The following PRKN variants were observed in gnomAD, a reference collection of about 807,000 sequenced individuals.
PRKN encodes the protein E3 ubiquitin-protein ligase parkin.
PRKN carries 56 observed loss-of-function variants against 59.5 expected under a neutral mutation model. The ratio of observed to expected loss-of-function variants is 0.94; its 90% CI spans 0.76 to 1.18. PRKN has a LOEUF of 1.18. Among genes scored for constraint, PRKN ranks in the 50% most tolerant of loss-of-function variants. The pLI, the probability that PRKN is intolerant of heterozygous loss-of-function variation, is 0.00. For synonymous variants in PRKN, 250 were observed against 222.1 expected (o/e 1.13, Z -1.12); for missense variants, 657 against 596.4 (o/e 1.10, Z -1.06).
intron 5 of PRKN, among the ~76,000 whole-genome samples, chr6:161,987,429 G>T (rs1664399097): frequency 6.6e-6 from 1 of 152,146 alleles, no homozygotes. Flanking sequence ...AGGAGGGACT[G>T]GTTCCAGAAA....
chr6:162,611,552 A>G (rs1782152399), intron 1 of PRKN, among the ~76,000 whole-genome samples: 1 of 152,142 alleles, frequency 6.6e-6, no homozygotes, highest in Non-Finnish European at 1.5e-5. Flanking sequence ...CCTACCCTAC[A>G]CTATCACATC....
At chr6:162,565,087 A>C (rs1392356407) in intron 1 of PRKN, among the ~76,000 whole-genome samples, 1 of 93,130 alleles carries the variant, frequency 1.1e-5, no homozygotes, top group African/African-American at 6.2e-5. Context: ...TAAGATATAA[A>C]TAGACACAAT....
chr6:162,466,261 T>A (rs966031122), intron 1 of PRKN, among the ~76,000 whole-genome samples: 2 of 152,184 alleles, frequency 1.3e-5, no homozygotes, highest in Admixed American at 6.5e-5. Context: ...ACAACCTGTG[T>A]TATGGAGTGA....
intron 1 of PRKN, among the ~76,000 whole-genome samples, chr6:162,618,700 T>C (rs992107450): frequency 6.6e-6 from 1 of 152,208 alleles, no homozygotes; most frequent in African/African-American, 2.4e-5. Flanking sequence ...CTGTCAGAAA[T>C]TCCTATTTAT....
chr6:161,870,118 T>C (rs776363076), intron 6 of PRKN, among the ~76,000 whole-genome samples: 39 of 152,166 alleles, frequency 2.6e-4, no homozygotes, highest in Non-Finnish European at 5.1e-4. Flanking sequence ...GGGCCGACCT[T>C]GCTTAGCTTC....
At chr6:162,367,879 A>G (rs1785538565) in intron 2 of PRKN, among the ~76,000 whole-genome samples, 2 of 152,146 alleles carry the variant, frequency 1.3e-5, no homozygotes, top group African/African-American at 4.8e-5. Context: ...CTTTATCAGA[A>G]CTTCTGAGTG....
At chr6:162,343,715 G>GT (rs1394276013) in intron 2 of PRKN, among the ~76,000 whole-genome samples, 2 of 152,134 alleles carry the variant, frequency 1.3e-5, no homozygotes, top group African/African-American at 2.4e-5. Context: ...ATGTGTATGT[G>GT]TGCAAGCATG....
chr6:162,612,848 A>C (rs1168964643), intron 1 of PRKN, among the ~76,000 whole-genome samples: 4 of 152,080 alleles, frequency 2.6e-5, no homozygotes, highest in African/African-American at 9.7e-5. Flanking sequence ...TGGCCCACAG[A>C]GGGCACCTTG....
At chr6:162,560,522 G>A (rs1404266704) in intron 1 of PRKN, among the ~76,000 whole-genome samples, 2 of 152,052 alleles carry the variant, frequency 1.3e-5, no homozygotes, top group African/African-American at 2.4e-5. Context: ...TGTAAACATG[G>A]AAAAATCAAG....
At chr6:162,607,732 T>G (rs1219987237) in intron 1 of PRKN, among the ~76,000 whole-genome samples, 2 of 152,028 alleles carry the variant, frequency 1.3e-5, no homozygotes, top group Non-Finnish European at 2.9e-5. Flanking sequence ...CAAGGAAGCT[T>G]GGATGGGTTT....
intron 4 of PRKN, among the ~76,000 whole-genome samples, chr6:162,063,812 C>T (rs751541505): frequency 7.2e-5 from 11 of 152,272 alleles, no homozygotes; most frequent in East Asian, 3.9e-4. Context: ...CCCGTAGTTC[C>T]GGGATTACAG....
chr6:162,597,859 C>T (rs896570843), intron 1 of PRKN, among the ~76,000 whole-genome samples: 7 of 152,108 alleles, frequency 4.6e-5, no homozygotes, highest in African/African-American at 1.2e-4. Context: ...GTAAAAATAA[C>T]CTGCAATAGA....
intron 5 of PRKN, among the ~76,000 whole-genome samples, chr6:162,025,931 G>T (rs73590316): frequency 9.9e-5 from 15 of 152,190 alleles, no homozygotes; most frequent in African/African-American, 3.4e-4. Context: ...AGCAATCAAG[G>T]CTTGGTAGAT....
At chr6:162,366,414 A>T (rs1785441018) in intron 2 of PRKN, among the ~76,000 whole-genome samples, 1 of 152,196 alleles carries the variant, frequency 6.6e-6, no homozygotes, top group Admixed American at 6.6e-5. Flanking sequence ...TTATTCTTTT[A>T]AAATGTATTA....
At chr6:161,427,011 T>C (rs568930792) in intron 9 of PRKN, among the ~76,000 whole-genome samples, 2 of 152,068 alleles carry the variant, frequency 1.3e-5, no homozygotes, top group Admixed American at 1.3e-4. Context: ...GAGCCACTAC[T>C]CCTGGCCTAC....
rs750338686 is a variant in PRKN at position 162,262,727 on chromosome 6, C to T, written c.210G>A (p.Val70=). 5.6e-6 allele frequency: 9 copies of T among 1,607,678 alleles called. No individual in the cohort carries two copies. The highest frequency in any genetic ancestry group is 5.9e-6 in the Non-Finnish European group (7 of 1,179,380). The change falls in exon 3 of 12, where the codon GTG becomes GTA. Residue 70 remains valine (V), a synonymous_variant. Transcript: ENST00000366898. Reference sequence around the variant, plus strand: ...CTTGACCTTTTCTCCACGGTCTCTGCACAATGTGAACAATGCTCTGCTGAT... The same window carrying T: ...CTTGACCTTTTCTCCACGGTCTCTGTACAATGTGAACAATGCTCTGCTGAT... ...DLDQQSIVHI[V]QRPWRKGQEM...
intron 2 of PRKN, among the ~76,000 whole-genome samples, chr6:162,365,854 G>C (rs1246167599): frequency 2.0e-5 from 3 of 152,100 alleles, no homozygotes; most frequent in African/African-American, 7.2e-5. Flanking sequence ...TCTCTGGTAT[G>C]CTCTAATGTG....
At chr6:162,228,374 G>A (rs556637249) in intron 3 of PRKN, among the ~76,000 whole-genome samples, 52 of 152,266 alleles carry the variant, frequency 3.4e-4, no homozygotes, top group African/African-American at 1.1e-3. Flanking sequence ...GTTACAGTTG[G>A]TCAACCACAC....
At chr6:162,338,631 G>A (rs1388772525) in intron 2 of PRKN, among the ~76,000 whole-genome samples, 1 of 152,002 alleles carries the variant, frequency 6.6e-6, no homozygotes, top group East Asian at 2.0e-4. Context: ...GCCTGCCTTG[G>A]CCTCCCAAAG....
Sources: allele counts gnomAD v4.1 joint callset (sites outside exome capture counted in the v4.1 genomes callset), GRCh38; gene constraint gnomAD v4.1.1; transcripts MANE v1.5; gene names NCBI Gene and HGNC (gene_info 2026-07-23, HGNC 2026-07-21).